RCHY1: variants seen among roughly 807,000 people sequenced by gnomAD.
RCHY1 encodes RING finger and CHY zinc finger domain-containing protein 1.
RCHY1 carries 21 observed loss-of-function variants against 41.6 expected under a neutral mutation model. The observed-to-expected ratio is 0.51, with a 90% CI of 0.36 to 0.73. The LOEUF (loss-of-function observed/expected upper bound fraction) is 0.73. Ranked by LOEUF, RCHY1 falls within the 30% of genes least tolerant of loss-of-function variation. The pLI is 0.00. For synonymous variants in RCHY1, 79 were observed against 102.9 expected (o/e 0.77, Z 1.41); for missense variants, 265 against 325.3 (o/e 0.81, Z 1.43).
intron 3 of RCHY1, among the ~76,000 whole-genome samples, chr4:75,502,513 C>T (rs1196842335): frequency 6.6e-6 from 1 of 152,028 alleles, no homozygotes; most frequent in Non-Finnish European, 1.5e-5. Flanking sequence ...GCACTCCAGC[C>T]TGGGCGCCAG....
intron 7 of RCHY1, 164 bp downstream of exon 7, chr4:75,491,447 G>C: frequency 1.7e-6 from 1 of 593,534 alleles, no homozygotes. Context: ...CTATATCCAA[G>C]ACACTTTGTC....
intron 4 of RCHY1, 80 bp downstream of exon 4, chr4:75,494,021 G>C (rs1722968556): frequency 1.2e-6 from 1 of 801,050 alleles, no homozygotes; most frequent in Non-Finnish European, 2.0e-6. Context: ...AAATTAGCAT[G>C]CTTCCAAAAC....
upstream of RCHY1, chr4:75,514,497 T>C (rs1225527061): frequency 1.9e-6 from 1 of 532,534 alleles, no homozygotes; most frequent in Non-Finnish European, 3.4e-6. Context: ...TCGTTGACGT[T>C]AGTCGCAGTC....
rs754985591 is a variant in RCHY1 at position 75,482,644 on chromosome 4, C to A, written c.680G>T (p.Gly227Val). ...TATATGAAACTGAACAGTGGATCGT[C>A]CATTACAGTCATTGCAGAGAATCTG... ...TVDILCNDCN[G>V]RSTVQFHILG... Residue 227 changes from glycine (G) to valine (V), a missense_variant, in exon 9 of 9, where the codon GGA becomes GTA. By Grantham distance (109) the Gly-to-Val change is moderately radical (BLOSUM62 -3). Transcript: ENST00000324439. The A allele has an allele frequency of 6.2e-7, 1 of 1,607,916 alleles. No homozygotes were observed. Among genetic ancestry groups the A allele is most frequent in the South Asian group, 1.1e-5 (1 of 90,500 alleles).
intron 8 of RCHY1, among the ~76,000 whole-genome samples, chr4:75,488,439 CT>C (rs1722449165): frequency 6.6e-6 from 1 of 152,160 alleles, no homozygotes; most frequent in South Asian, 2.1e-4. Flanking sequence ...ATATAGACTT[CT>C]GACAACTTTA....
chr4:75,505,808 C>G (rs73827640), intron 3 of RCHY1, among the ~76,000 whole-genome samples: 3,364 of 152,142 alleles, frequency 0.022, 108 homozygotes, highest in African/African-American at 0.077. Context: ...GCTTGAAGGG[C>G]AAAGATCTCA....
chr4:75,493,940 A>G (rs1417330224), intron 4 of RCHY1, among the ~76,000 whole-genome samples, 161 bp downstream of exon 4: 5 of 151,872 alleles, frequency 3.3e-5, no homozygotes, highest in African/African-American at 9.7e-5. Flanking sequence ...TCTGAGGTAC[A>G]TATTTTAAAA....
rs1560513122 is a variant in RCHY1 at position 75,487,682 on chromosome 4, T to TATATATTCATATATATATATTCATA, written c.657+2898_657+2899insTATGAATATATATATATGAATATAT. Reference sequence around the variant, plus strand: ...TATATATATTCATATATATTCATAATATATATATTCATATATATATTCATA... The same window carrying TATATATTCATATATATATATTCATA: ...TATATATATTCATATATATTCATAATATATATTCATATATATATATTCATAATATATATTCATATATATATTCATA... On this transcript the variant is annotated intron_variant, in intron 8 of 8. Transcript: ENST00000324439. Among the ~76,000 whole-genome samples the TATATATTCATATATATATATTCATA allele has an allele frequency of 4.4e-4, 16 of 36,612 alleles. 2 individuals carry two copies. Among genetic ancestry groups the TATATATTCATATATATATATTCATA allele is most frequent in the Non-Finnish European group, 5.8e-4 (12 of 20,528 alleles). The allele number at this position is 36,612 out of a possible 152,430, so 24.0% of individuals were successfully genotyped here.
chr4:75,501,249 T>C (rs1201969224), intron 3 of RCHY1, among the ~76,000 whole-genome samples: 1 of 152,228 alleles, frequency 6.6e-6, no homozygotes, highest in East Asian at 1.9e-4. Context: ...CCTCAGGTGA[T>C]CTGCCCGCCT....
intron 3 of RCHY1, among the ~76,000 whole-genome samples, chr4:75,499,092 A>C (rs1400477520): frequency 6.6e-6 from 1 of 152,208 alleles, no homozygotes; most frequent in Non-Finnish European, 1.5e-5. Flanking sequence ...AATAACAAAA[A>C]AAAAGATTTA....
intron 3 of RCHY1, among the ~76,000 whole-genome samples, chr4:75,505,419 A>G (rs1407660746): frequency 6.6e-6 from 1 of 152,236 alleles, no homozygotes. Flanking sequence ...ACCATGTAGC[A>G]TGAGATGTGT....
chr4:75,488,848 G>A (rs987717945), intron 8 of RCHY1, among the ~76,000 whole-genome samples: 6 of 152,206 alleles, frequency 3.9e-5, no homozygotes, highest in Non-Finnish European at 7.4e-5. Flanking sequence ...AGACCGAGGC[G>A]GGTGGATCAC....
intron 8 of RCHY1, among the ~76,000 whole-genome samples, chr4:75,483,437 T>C (rs1440370779): frequency 6.6e-6 from 1 of 152,162 alleles, no homozygotes; most frequent in African/African-American, 2.4e-5. Context: ...TGCCTAGGCC[T>C]GGGGCGTTAG....
intron 4 of RCHY1, among the ~76,000 whole-genome samples, chr4:75,493,473 C>G (rs1722926164): frequency 6.6e-6 from 1 of 151,840 alleles, no homozygotes; most frequent in African/African-American, 2.4e-5. Flanking sequence ...CTCTCTCTCT[C>G]TCAACAGCTA....
chr4:75,514,581 A>C (rs573013368), upstream of RCHY1: 87 of 298,864 alleles, frequency 2.9e-4, 2 homozygotes, highest in South Asian at 7.4e-3. Context: ...CTCAGGGCGT[A>C]GTTCGGCGCG....
At chr4:75,512,579 C>T (rs550625472) in intron 1 of RCHY1, among the ~76,000 whole-genome samples, 11 of 152,234 alleles carry the variant, frequency 7.2e-5, no homozygotes, top group African/African-American at 2.6e-4. Context: ...CTAGAATATA[C>T]AAACATGCTG....
In RCHY1 at chr4:75,507,726, A is replaced by C. The variant is rs1724464034; in HGVS notation, c.326+1094T>G. Reference sequence around the variant, plus strand: ...TAGGGCAGGAAACATTACTAAAGATAAAAAGACACATTATATAATAATAAA... The same window carrying C: ...TAGGGCAGGAAACATTACTAAAGATCAAAAGACACATTATATAATAATAAA... On this transcript the variant is annotated intron_variant, in intron 3 of 8. Coordinates refer to ENST00000324439, the MANE Select transcript of RCHY1 (RefSeq NM_015436.4). Among the ~76,000 whole-genome samples, 7 of 152,238 alleles carry C rather than the reference A, an allele frequency of 4.6e-5. No homozygotes were observed. In the South Asian group the frequency reaches 1.5e-3, roughly 32 times the overall value.
At chr4:75,510,898 G>A (rs1724798707) in intron 1 of RCHY1, among the ~76,000 whole-genome samples, 1 of 152,114 alleles carries the variant, frequency 6.6e-6, no homozygotes, top group East Asian at 1.9e-4. Flanking sequence ...AGTTGTGGCT[G>A]AAGTACAAAA....
intron 1 of RCHY1, 67 bp from the exon 2 acceptor site, chr4:75,509,363 G>T: frequency 6.7e-7 from 1 of 1,501,414 alleles, no homozygotes; most frequent in Non-Finnish European, 9.0e-7. Flanking sequence ...AATACAAAAA[G>T]AAAATTTCTT....
Sources: gnomAD v4.1 joint callset for allele counts (sites outside exome capture counted in the v4.1 genomes callset) on GRCh38, gnomAD v4.1.1 for gene constraint, MANE v1.5 for transcripts, NCBI Gene and HGNC (gene_info 2026-07-23, HGNC 2026-07-21) for gene names.